The following HTR2C variants were observed in gnomAD, a reference collection of about 807,000 sequenced individuals.
HTR2C encodes 5-hydroxytryptamine receptor 2C, also known as 5-hydroxytryptamine (serotonin) receptor 2C, G protein-coupled.
A neutral mutation model predicts 21.0 loss-of-function variants in HTR2C; 5 were observed. The observed-to-expected ratio is 0.24, with a 90% CI of 0.12 to 0.50. The LOEUF is 0.50. Ranked by LOEUF, HTR2C falls within the 20% of genes least tolerant of loss-of-function variation. HTR2C has a pLI of 0.98. For synonymous variants in HTR2C, 150 were observed against 145.3 expected (o/e 1.03, Z -0.23); for missense variants, 271 against 371.2 (o/e 0.73, Z 2.22).
At chrX:114,727,160 G>T (rs113848091) in intron 3 of HTR2C, among the ~76,000 whole-genome samples, 189 bp downstream of exon 3, 85 of 111,768 alleles carry the variant, frequency 7.6e-4, no homozygotes, top group African/African-American at 2.5e-3. Context: ...AAAAAATTTG[G>T]ACTCTAATTA....
rs374703376 is a variant in HTR2C at position 114,831,518 on chromosome X, G to A, written c.350-16485G>A. On this transcript the variant is annotated intron_variant, in intron 4 of 5. Coordinates refer to ENST00000276198, the MANE Select transcript of HTR2C (RefSeq NM_000868.4). Reference sequence around the variant, plus strand: ...CTTCTTTTGAGAAGTGTCTGTTCATGTCCTTTGCCCACTTTTTGATGGGGT... The same window carrying A: ...CTTCTTTTGAGAAGTGTCTGTTCATATCCTTTGCCCACTTTTTGATGGGGT... Among the ~76,000 whole-genome samples the A allele has an allele frequency of 1.1e-4, 10 of 88,835 alleles. No individual in the cohort carries two copies. In the East Asian group the frequency reaches 2.0e-3, roughly 18 times the overall value. 77.1% of individuals were successfully genotyped at this position (88,835 alleles called of 115,157 possible).
chrX:114,667,848 G>T (rs1251127569), intron 2 of HTR2C, among the ~76,000 whole-genome samples: 1 of 111,520 alleles, frequency 9.0e-6, no homozygotes, highest in Non-Finnish European at 1.9e-5. Flanking sequence ...TTACTGAAAG[G>T]CAATGATATA....
intron 4 of HTR2C, among the ~76,000 whole-genome samples, chrX:114,796,270 G>T (rs1458607628): frequency 9.0e-6 from 1 of 111,557 alleles, no homozygotes; most frequent in Non-Finnish European, 1.9e-5. Context: ...TGGATTTGTA[G>T]AAGTGTCTGT....
At chrX:114,671,078 TTTAA>T (rs1334688665) in intron 2 of HTR2C, among the ~76,000 whole-genome samples, 1 of 112,062 alleles carries the variant, frequency 8.9e-6, no homozygotes, top group Non-Finnish European at 1.9e-5. Flanking sequence ...GATCAATAAT[TTTAA>T]TTAATATATA....
intron 2 of HTR2C, among the ~76,000 whole-genome samples, chrX:114,707,321 A>G (rs1243280371): frequency 1.8e-5 from 2 of 111,376 alleles, no homozygotes; most frequent in Non-Finnish European, 3.8e-5. Flanking sequence ...CTTGAGAGAA[A>G]GAGGTGAGAG....
intron 5 of HTR2C, among the ~76,000 whole-genome samples, chrX:114,880,824 C>A (rs2071175429): frequency 9.0e-6 from 1 of 111,120 alleles, no homozygotes; most frequent in South Asian, 3.7e-4. Context: ...TTTCATTCTG[C>A]TGATTGACCT....
chrX:114,833,141 G>C (rs1342789071), intron 4 of HTR2C, among the ~76,000 whole-genome samples: 1 of 96,077 alleles, frequency 1.0e-5, no homozygotes, highest in Non-Finnish European at 2.1e-5. Flanking sequence ...TGTTCATCAA[G>C]GATATTGGTC....
At chrX:114,831,617 G>A (rs2070728954) in intron 4 of HTR2C, among the ~76,000 whole-genome samples, 1 of 105,028 alleles carries the variant, frequency 9.5e-6, no homozygotes, top group African/African-American at 3.5e-5. Flanking sequence ...CAGATGAGTA[G>A]GTTGCGAAAA....
chrX:114,702,645 G>A (rs1932575670), intron 2 of HTR2C, among the ~76,000 whole-genome samples: 1 of 111,103 alleles, frequency 9.0e-6, no homozygotes, highest in Non-Finnish European at 1.9e-5. Flanking sequence ...GGAAGAAACT[G>A]CATCAACTAA....
chrX:114,714,361 A>AT (rs1188966554), intron 2 of HTR2C, among the ~76,000 whole-genome samples: 2 of 112,057 alleles, frequency 1.8e-5, no homozygotes, highest in Non-Finnish European at 3.8e-5. Context: ...TAGGCAGAAG[A>AT]TTTTTTAAAA....
intron 2 of HTR2C, among the ~76,000 whole-genome samples, chrX:114,709,669 G>C (rs1310838946): frequency 9.0e-6 from 1 of 111,456 alleles, no homozygotes; most frequent in African/African-American, 3.3e-5. Flanking sequence ...CAGACATCTA[G>C]GAATTAATAC....
intron 4 of HTR2C, among the ~76,000 whole-genome samples, chrX:114,784,777 G>C (rs1556441636): frequency 9.1e-6 from 1 of 109,427 alleles, no homozygotes; most frequent in Non-Finnish European, 1.9e-5. Context: ...CCGCCACCGC[G>C]CCCGGCTAAT....
chrX:114,607,410 C>G (rs182220372), intron 1 of HTR2C, among the ~76,000 whole-genome samples: 2 of 111,416 alleles, frequency 1.8e-5, no homozygotes, highest in Admixed American at 1.9e-4. Context: ...TATGGTACAA[C>G]GTTAAGATCA....
At chrX:114,677,143 T>A (rs1931588242) in intron 2 of HTR2C, among the ~76,000 whole-genome samples, 1 of 111,841 alleles carries the variant, frequency 8.9e-6, no homozygotes, top group African/African-American at 3.2e-5. Flanking sequence ...GTGGAAATTT[T>A]GTTTAAGATC....
intron 2 of HTR2C, among the ~76,000 whole-genome samples, chrX:114,678,270 G>GACACACAC (rs200416814): frequency 0.036 from 3,600 of 100,174 alleles, 69 homozygotes; most frequent in Middle Eastern, 0.059. Context: ...CTCTCTGTCT[G>GACACACAC]ACACACACAC....
At chrX:114,827,104 G>A (rs1402539161) in intron 4 of HTR2C, among the ~76,000 whole-genome samples, 1 of 110,060 alleles carries the variant, frequency 9.1e-6, no homozygotes, top group Non-Finnish European at 1.9e-5. Flanking sequence ...CAATGCTTTG[G>A]ATTTTGAATT....
At chrX:114,739,035 A>G (rs1262484695) in intron 4 of HTR2C, among the ~76,000 whole-genome samples, 1 of 111,024 alleles carries the variant, frequency 9.0e-6, no homozygotes, top group Non-Finnish European at 1.9e-5. Flanking sequence ...ATATTAATTT[A>G]AAAGTATATG....
intron 2 of HTR2C, among the ~76,000 whole-genome samples, chrX:114,625,976 C>T (rs1221573624): frequency 9.0e-6 from 1 of 111,055 alleles, no homozygotes; most frequent in Non-Finnish European, 1.9e-5. Flanking sequence ...ACATAAAGTT[C>T]TAAGTTTATT....
intron 4 of HTR2C, among the ~76,000 whole-genome samples, chrX:114,805,940 C>CATATATATATACACCATATATATACCAT (rs2070418748): frequency 1.2e-4 from 1 of 8,183 alleles, no homozygotes; most frequent in African/African-American, 2.0e-4. Context: ...ATATATATAC[C>CATATATATATACACCATATATATACCAT]ATATATATAT....
Sources: gnomAD v4.1 joint callset for allele counts (sites outside exome capture counted in the v4.1 genomes callset) on GRCh38, gnomAD v4.1.1 for gene constraint, MANE v1.5 for transcripts, NCBI Gene and HGNC (gene_info 2026-07-23, HGNC 2026-07-21) for gene names.